SUGCT: variants seen among roughly 807,000 people sequenced by gnomAD.
SUGCT encodes succinyl-CoA:glutarate-CoA transferase, also known as succinyl-CoA:glutarate CoA-transferase.
Under a neutral mutation model 55.0 loss-of-function variants are expected in SUGCT, and 41 were observed. That is an observed-to-expected ratio of 0.74 (90% CI 0.58 to 0.97). The LOEUF (loss-of-function observed/expected upper bound fraction) is 0.97. Ranked by LOEUF, SUGCT falls within the 50% of genes least tolerant of loss-of-function variation. The pLI is 0.00. For missense variants in SUGCT, 568 were observed against 547.8 expected (o/e 1.04, Z -0.37); for synonymous variants, 187 against 200.4 (o/e 0.93, Z 0.56).
intron 12 of SUGCT, among the ~76,000 whole-genome samples, chr7:40,670,193 A>G (rs902877640): frequency 1.4e-5 from 2 of 141,718 alleles, no homozygotes; most frequent in Non-Finnish European, 3.0e-5. Context: ...AAAAAAAAAA[A>G]GAAGAAGAAG....
chr7:40,665,437 AAAT>A (rs1264727775), intron 12 of SUGCT, among the ~76,000 whole-genome samples: 1 of 110,344 alleles, frequency 9.1e-6, no homozygotes, highest in Non-Finnish European at 1.9e-5. Flanking sequence ...CTCAAAAAAT[AAAT>A]AAATAAATAA....
At chr7:40,754,249 G>GTA (rs1788150991) in intron 13 of SUGCT, among the ~76,000 whole-genome samples, 1 of 152,134 alleles carries the variant, frequency 6.6e-6, no homozygotes, top group South Asian at 2.1e-4. Flanking sequence ...GTGAGAACAG[G>GTA]TATTATGTGA....
At chr7:40,804,415 TA>T (rs1344104560) in intron 13 of SUGCT, among the ~76,000 whole-genome samples, 1 of 152,116 alleles carries the variant, frequency 6.6e-6, no homozygotes, top group African/African-American at 2.4e-5. Flanking sequence ...AATAGATGCT[TA>T]ATAAATATCT....
the SUGCT span, among the ~76,000 whole-genome samples, chr7:40,956,979 G>A: frequency 6.6e-6 from 1 of 152,012 alleles, no homozygotes; most frequent in Non-Finnish European, 1.5e-5. Flanking sequence ...TGTGGTCTGA[G>A]AGACAGTTTG....
the SUGCT span, among the ~76,000 whole-genome samples, chr7:40,975,636 G>A: frequency 1.3e-5 from 2 of 152,114 alleles, no homozygotes; most frequent in Admixed American, 6.5e-5. Flanking sequence ...CTGCTTCCTA[G>A]TCAGTGAGAA....
At chr7:40,481,929 A>T (rs1791075709) in intron 11 of SUGCT, among the ~76,000 whole-genome samples, 1 of 152,112 alleles carries the variant, frequency 6.6e-6, no homozygotes, top group South Asian at 2.1e-4. Context: ...TTATTCATTT[A>T]TCTCTCTTTT....
the SUGCT span, among the ~76,000 whole-genome samples, chr7:40,922,908 G>A: frequency 6.6e-6 from 1 of 152,204 alleles, no homozygotes; most frequent in Non-Finnish European, 1.5e-5. Context: ...GCAATACCAA[G>A]TAATTACTAA....
chr7:40,385,264 T>C (rs7795763), intron 9 of SUGCT, among the ~76,000 whole-genome samples: 166 of 152,252 alleles, frequency 1.1e-3, no homozygotes, highest in African/African-American at 3.6e-3. Flanking sequence ...GAGTTCATGG[T>C]TGGAGTCAGG....
At chr7:40,200,589 C>T (rs1463671619) in intron 6 of SUGCT, among the ~76,000 whole-genome samples, 2 of 151,742 alleles carry the variant, frequency 1.3e-5, no homozygotes, top group East Asian at 3.9e-4. Flanking sequence ...AAGAGAAAGC[C>T]GAAGTGTTTG....
intron 9 of SUGCT, among the ~76,000 whole-genome samples, chr7:40,369,032 A>T (rs1784153595): frequency 6.6e-6 from 1 of 151,990 alleles, no homozygotes; most frequent in South Asian, 2.1e-4. Flanking sequence ...TGAACGCAGG[A>T]GGAGGAGGTT....
chr7:40,473,530 C>T (rs994782037), intron 11 of SUGCT, among the ~76,000 whole-genome samples: 17 of 152,056 alleles, frequency 1.1e-4, no homozygotes, highest in Admixed American at 2.6e-4. Flanking sequence ...TTCCTTCTAT[C>T]GGTTAGCAGC....
intron 8 of SUGCT, among the ~76,000 whole-genome samples, chr7:40,279,956 T>TA (rs994696125): frequency 1.3e-5 from 2 of 152,190 alleles, no homozygotes; most frequent in African/African-American, 4.8e-5. Context: ...CATGCAGTAG[T>TA]AAAAAACACA....
the SUGCT span, among the ~76,000 whole-genome samples, chr7:40,998,116 C>G: frequency 1.3e-5 from 2 of 152,144 alleles, no homozygotes; most frequent in Non-Finnish European, 2.9e-5. Flanking sequence ...CCTGTAATCC[C>G]AGCACTCTGA....
chr7:40,274,720 G>A, intron 8 of SUGCT, 64 bp downstream of exon 8: 1 of 1,480,450 alleles, frequency 6.8e-7, no homozygotes, highest in Non-Finnish European at 9.4e-7. Flanking sequence ...TACCTTTTCA[G>A]ATCAAATTCT....
Position 40,277,677 on chromosome 7 carries a change from G to GTTATTATAA in SUGCT, c.720+3028_720+3029insAATTATTAT, listed in dbSNP as rs1554300441. On this transcript the variant is annotated intron_variant, in intron 8 of 13. Coordinates refer to ENST00000335693, the MANE Select transcript of SUGCT (RefSeq NM_001193313.2). ...ATTTAACAGATAATTTGTTCTTTTT[G>GTTATTATAA]TTATTATTATTATTATTATTATTAT... 2.1e-5 allele frequency among the ~76,000 whole-genome samples: 3 copies of GTTATTATAA among 144,902 alleles called. No homozygotes were observed. The Admixed American group carries it at 2.1e-4, about 10-fold the overall frequency.
rs183433318 is a variant in SUGCT, at chr7:40,507,677, G to C, written c.1089+11291G>C. ...TGCCCTTGGGTCAGAGCAGCTTACT[G>C]TTCACTCAGTGTTTGGTTAGAGTTT... On this transcript the variant is annotated intron_variant, in intron 12 of 13. Coordinates refer to ENST00000335693, the MANE Select transcript of SUGCT (RefSeq NM_001193313.2). Among the ~76,000 whole-genome samples, 3 of 152,234 alleles carry C rather than the reference G, an allele frequency of 2.0e-5. No individual in the cohort carries two copies. In the East Asian group the frequency reaches 5.8e-4, roughly 29 times the overall value.
the SUGCT span, among the ~76,000 whole-genome samples, chr7:40,881,088 C>T: frequency 2.6e-5 from 4 of 152,220 alleles, no homozygotes; most frequent in Non-Finnish European, 5.9e-5. Context: ...TCATCCTCCA[C>T]TATGAGATTT....
chr7:40,778,568 A>G (rs1257667885), intron 13 of SUGCT, among the ~76,000 whole-genome samples: 1 of 152,240 alleles, frequency 6.6e-6, no homozygotes, highest in Non-Finnish European at 1.5e-5. Flanking sequence ...CACGTCACCC[A>G]GTGGTGAGGT....
intron 12 of SUGCT, among the ~76,000 whole-genome samples, chr7:40,566,115 G>A (rs1383296022): frequency 3.3e-5 from 5 of 152,124 alleles, no homozygotes; most frequent in Non-Finnish European, 7.4e-5. Context: ...TTCCCATGGA[G>A]CGTCTACAGT....
Sources: allele counts gnomAD v4.1 joint callset (sites outside exome capture counted in the v4.1 genomes callset), GRCh38; gene constraint gnomAD v4.1.1; transcripts MANE v1.5; gene names NCBI Gene and HGNC (gene_info 2026-07-23, HGNC 2026-07-21).